Variants in SCAPER observed in about 807,000 individuals in gnomAD.
SCAPER encodes S-phase cyclin A associated protein in the ER.
SCAPER carries 98 observed loss-of-function variants against 182.2 expected under a neutral mutation model. The ratio of observed to expected loss-of-function variants is 0.54; its 90% confidence interval spans 0.46 to 0.64. The LOEUF is 0.64. Ranked by LOEUF, SCAPER falls within the 30% of genes least tolerant of loss-of-function variation. SCAPER has a pLI of 0.00. For synonymous variants in SCAPER, 605 were observed against 564.6 expected, an observed-to-expected ratio of 1.07 and a Z score of -1.01; for missense variants, 1,432 against 1,690.0, an observed-to-expected ratio of 0.85 and a Z score of 2.68.
chr15:76,437,203 T>A (rs1167814692), intron 25 of SCAPER, among the ~76,000 whole-genome samples: 1 of 152,184 alleles, frequency 6.6e-6, no homozygotes, highest in Non-Finnish European at 1.5e-5. Context: ...ATTTAGACTT[T>A]CAACCAATTC....
intron 2 of SCAPER, among the ~76,000 whole-genome samples, chr15:76,875,122 A>G (rs2073046395): frequency 6.6e-6 from 1 of 152,214 alleles, no homozygotes; most frequent in African/African-American, 2.4e-5. Context: ...TGAATCCCAC[A>G]AAAGAAAATC....
chr15:76,413,357 G>A (rs1051824706), intron 26 of SCAPER, among the ~76,000 whole-genome samples: 9 of 152,020 alleles, frequency 5.9e-5, no homozygotes, highest in South Asian at 2.1e-4. Context: ...TGTTTTTCCC[G>A]TCTATTCCTA....
chr15:76,781,411 G>GTA (rs1274986303), intron 8 of SCAPER, among the ~76,000 whole-genome samples: 2 of 152,180 alleles, frequency 1.3e-5, no homozygotes, highest in African/African-American at 4.8e-5. Flanking sequence ...ATTTACGTAT[G>GTA]ACTGGTGTAC....
intron 25 of SCAPER, among the ~76,000 whole-genome samples, chr15:76,465,436 T>C (rs1005806870): frequency 6.6e-6 from 1 of 152,142 alleles, no homozygotes; most frequent in Non-Finnish European, 1.5e-5. Context: ...GGTTTCAACA[T>C]ACTAATTCTG....
intron 23 of SCAPER, among the ~76,000 whole-genome samples, chr15:76,563,884 C>G (rs1017151997): frequency 3.9e-5 from 6 of 152,138 alleles, no homozygotes; most frequent in African/African-American, 1.4e-4. Context: ...TGTGACTCCT[C>G]ACATAAACAG....
At chr15:76,549,656 T>C (rs774175139) in intron 23 of SCAPER, among the ~76,000 whole-genome samples, 2 of 151,882 alleles carry the variant, frequency 1.3e-5, no homozygotes, top group Non-Finnish European at 2.9e-5. Context: ...AAATGACGAG[T>C]TAATGGGTGC....
At chr15:76,629,772 T>C (rs1029438827) in intron 21 of SCAPER, among the ~76,000 whole-genome samples, 2 of 152,180 alleles carry the variant, frequency 1.3e-5, no homozygotes, top group African/African-American at 2.4e-5. Flanking sequence ...GCTGGCCTCA[T>C]AGAATGAGTT....
Position 76,497,989 on chromosome 15 carries a change from C to CAAAAAAAAAAAA in SCAPER, c.2954+6858_2954+6869dup, listed in dbSNP as rs747096625. ...CTGGTGATGGAGCGAGACTCCGTCTCAAAAAAAAAAAAAAAAAAAAAAAAA... is the reference window on the plus strand; with the variant it reads ...CTGGTGATGGAGCGAGACTCCGTCTCAAAAAAAAAAAAAAAAAAAAAAAAAAAAAAAAAAAAA... On this transcript the variant is annotated intron_variant, in intron 24 of 31. Transcript: ENST00000563290. 2.7e-4 allele frequency among the ~76,000 whole-genome samples: 16 copies of CAAAAAAAAAAAA among 58,328 alleles called. 1 individual carries two copies. Among genetic ancestry groups the CAAAAAAAAAAAA allele is most frequent in the African/African-American group, 8.2e-4 (13 of 15,786 alleles). The allele number at this position is 58,328 out of a possible 152,430, so 38.3% of individuals were successfully genotyped here.
intron 31 of SCAPER, chr15:76,348,960 T>G (rs2040352684): frequency 2.8e-6 from 1 of 360,338 alleles, no homozygotes; most frequent in South Asian, 7.7e-5. Flanking sequence ...GTTTGTCCTT[T>G]AACATATTCA....
At chr15:76,502,373 C>G (rs1025032446) in intron 24 of SCAPER, among the ~76,000 whole-genome samples, 1 of 152,042 alleles carries the variant, frequency 6.6e-6, no homozygotes, top group Non-Finnish European at 1.5e-5. Flanking sequence ...ACATATACAC[C>G]GTGGAATACT....
At chr15:76,787,172 A>C (rs1568136520) in intron 8 of SCAPER, among the ~76,000 whole-genome samples, 1 of 152,194 alleles carries the variant, frequency 6.6e-6, no homozygotes, top group Non-Finnish European at 1.5e-5. Context: ...AAAGGACCTA[A>C]AATAGCTAAA....
chr15:76,571,019 T>C (rs2047396901), intron 23 of SCAPER, among the ~76,000 whole-genome samples: 1 of 152,110 alleles, frequency 6.6e-6, no homozygotes, highest in Admixed American at 6.6e-5. Context: ...TAATGTGGTC[T>C]TATCTTTATG....
intron 29 of SCAPER, among the ~76,000 whole-genome samples, chr15:76,359,656 C>A (rs2041258986): frequency 6.6e-6 from 1 of 152,176 alleles, no homozygotes; most frequent in South Asian, 2.1e-4. Context: ...TAAGGAAATC[C>A]TTAAGCCCAG....
Position 76,511,951 on chromosome 15 carries a change from C to G in SCAPER, c.2839-6977G>C, listed in dbSNP as rs1388732471. 2.0e-5 allele frequency among the ~76,000 whole-genome samples: 3 copies of G among 149,650 alleles called. No individual in the cohort carries two copies. In the South Asian group the frequency reaches 6.4e-4, roughly 32 times the overall value. ...AGGCTGGGGTGCAATGGCGTGATCTCGGCTCACTGCAACCTCTGCCTCCTG... is the reference window on the plus strand; with the variant it reads ...AGGCTGGGGTGCAATGGCGTGATCTGGGCTCACTGCAACCTCTGCCTCCTG... On this transcript the variant is annotated intron_variant, in intron 23 of 31. Transcript: ENST00000563290.
intron 21 of SCAPER, among the ~76,000 whole-genome samples, chr15:76,626,088 C>T (rs988977296): frequency 1.3e-5 from 2 of 151,974 alleles, no homozygotes; most frequent in African/African-American, 2.4e-5. Flanking sequence ...CCACATGCGG[C>T]CTGCAGGATG....
chr15:76,578,358 C>T (rs2048012479), intron 22 of SCAPER, among the ~76,000 whole-genome samples: 1 of 152,110 alleles, frequency 6.6e-6, no homozygotes, highest in Non-Finnish European at 1.5e-5. Context: ...CTTGAGCAAA[C>T]AAAGGTGGTA....
At chr15:76,630,134 C>G (rs1424340740) in intron 21 of SCAPER, among the ~76,000 whole-genome samples, 1 of 152,066 alleles carries the variant, frequency 6.6e-6, no homozygotes, top group African/African-American at 2.4e-5. Flanking sequence ...TCTGTGGGGT[C>G]ATTGGTGATA....
chr15:76,671,123 C>T (rs1050701410), intron 20 of SCAPER, among the ~76,000 whole-genome samples: 8 of 151,164 alleles, frequency 5.3e-5, no homozygotes, highest in Admixed American at 1.3e-4. Context: ...GGTGGATCGT[C>T]GAGCCCAGGA....
At chr15:76,441,338 T>C (rs1056453675) in intron 25 of SCAPER, among the ~76,000 whole-genome samples, 22 of 152,224 alleles carry the variant, frequency 1.4e-4, no homozygotes, top group East Asian at 1.3e-3. Flanking sequence ...CCTATATTTA[T>C]GCAGCCAAAA....
Sources: allele counts gnomAD v4.1 joint callset (sites outside exome capture counted in the v4.1 genomes callset), GRCh38; gene constraint gnomAD v4.1.1; transcripts MANE v1.5; gene names NCBI Gene and HGNC (gene_info 2026-07-23, HGNC 2026-07-21).